PHTF2: variants seen among roughly 807,000 people sequenced by gnomAD.
PHTF2 encodes the protein putative homeodomain transcription factor 2.
A neutral mutation model predicts 101.2 loss-of-function variants in PHTF2; 60 were observed. The observed-to-expected ratio is 0.59, with a 90% CI of 0.48 to 0.73. The LOEUF (loss-of-function observed/expected upper bound fraction) is 0.73. PHTF2 is among the 30% of genes least tolerant of loss of function. PHTF2 has a pLI of 0.00. For synonymous variants in PHTF2, 311 were observed against 307.3 expected (o/e 1.01, Z -0.13); for missense variants, 747 against 908.7 (o/e 0.82, Z 2.29).
intron 19 of PHTF2, 47 bp from the exon 19 acceptor site, chr7:77,954,811 T>G: frequency 9.1e-7 from 1 of 1,104,678 alleles, no homozygotes; most frequent in Non-Finnish European, 1.3e-6. Context: ...AATTTAAGCT[T>G]TGATATTAAA....
chr7:77,830,580 A>C (rs575329675), intron 1 of PHTF2, among the ~76,000 whole-genome samples: 2 of 151,678 alleles, frequency 1.3e-5, no homozygotes, highest in Non-Finnish European at 1.5e-5. Context: ...TCTCGGTTGC[A>C]TGCTTCTTAT....
chr7:77,940,699 C>T (rs768375068), intron 15 of PHTF2, 40 bp downstream of exon 14: 1 of 1,442,156 alleles, frequency 6.9e-7, no homozygotes, highest in Non-Finnish European at 9.5e-7. Flanking sequence ...ACATGCTGGC[C>T]CTTTCTGATA....
At chr7:77,881,914 T>C (rs1279460185) in intron 3 of PHTF2, among the ~76,000 whole-genome samples, 1 of 152,220 alleles carries the variant, frequency 6.6e-6, no homozygotes, top group African/African-American at 2.4e-5. Context: ...AATATTTTTT[T>C]CTTTGGATTT....
intron 9 of PHTF2, among the ~76,000 whole-genome samples, chr7:77,911,576 GTTAACTCCACTAATACCATA>G (rs1440563939): frequency 2.0e-5 from 3 of 152,122 alleles, no homozygotes; most frequent in African/African-American, 7.2e-5. Context: ...CTGTCACTTT[GTTAACTCCACTAATACCATA>G]TTTCATCAAT....
chr7:77,908,131 A>C (rs1453930032), intron 7 of PHTF2: 4 of 152,140 alleles, frequency 2.6e-5, no homozygotes, highest in Non-Finnish European at 4.4e-5. Flanking sequence ...TTGTATTCAG[A>C]CTTACTAAGA....
In PHTF2 at chr7:77,906,901, C is replaced by T. The variant is rs537929254; in HGVS notation, c.446-1892C>T. Among the ~76,000 whole-genome samples the T allele has an allele frequency of 2.1e-5, 3 of 146,132 alleles. No homozygotes were observed. In the South Asian group the frequency reaches 6.5e-4, roughly 32 times the overall value. ...CCAGCCTGGGCAGCAGAGCGAGACTCCGTCTCAAGAAAAATTAAGAGTTAA... is the reference window on the plus strand; with the variant it reads ...CCAGCCTGGGCAGCAGAGCGAGACTTCGTCTCAAGAAAAATTAAGAGTTAA... On this transcript the variant is annotated intron_variant, in intron 7 of 19. Coordinates refer to ENST00000416283, the Ensembl canonical transcript of PHTF2.
chr7:77,862,653 A>G (rs1449498507), intron 3 of PHTF2, among the ~76,000 whole-genome samples: 1 of 152,218 alleles, frequency 6.6e-6, no homozygotes, highest in Non-Finnish European at 1.5e-5. Context: ...AAAATATTTT[A>G]TGACTTACTG....
intron 7 of PHTF2, among the ~76,000 whole-genome samples, chr7:77,904,553 A>G (rs1298233236): frequency 6.6e-6 from 1 of 152,198 alleles, no homozygotes; most frequent in African/African-American, 2.4e-5. Context: ...GCAATGTCAG[A>G]GTTGGTGTCT....
intron 2 of PHTF2, among the ~76,000 whole-genome samples, chr7:77,853,480 G>A (rs1796927976): frequency 1.3e-5 from 2 of 151,470 alleles, no homozygotes; most frequent in African/African-American, 4.9e-5. Flanking sequence ...TGCAGCCTCT[G>A]CCTCCTTGGT....
chr7:77,954,875 A>T (rs756887530), exon 20 of PHTF2: 18 of 1,513,592 alleles, frequency 1.2e-5, no homozygotes, highest in Non-Finnish European at 1.6e-5. Context: ...AGATTAAGTC[A>T]TGACAATTCA....
chr7:77,899,389 T>C (rs1450069749), intron 5 of PHTF2, among the ~76,000 whole-genome samples: 1 of 151,960 alleles, frequency 6.6e-6, no homozygotes, highest in African/African-American at 2.4e-5. Flanking sequence ...GTCTGCAAAT[T>C]AGGGCAAAAG....
chr7:77,881,513 TG>T (rs1799413892), intron 3 of PHTF2, among the ~76,000 whole-genome samples: 4 of 79,726 alleles, frequency 5.0e-5, no homozygotes, highest in Admixed American at 1.4e-4. Flanking sequence ...CTCCAATGGC[TG>T]GTTTTGTTTT....
intron 3 of PHTF2, among the ~76,000 whole-genome samples, chr7:77,869,022 A>C (rs549022427): frequency 6.6e-6 from 1 of 152,344 alleles, no homozygotes; most frequent in African/African-American, 2.4e-5. Context: ...AAAGCAAAAA[A>C]ACAAAAAAGA....
intron 12 of PHTF2, among the ~76,000 whole-genome samples, chr7:77,930,462 G>C (rs1205971688): frequency 8.8e-5 from 6 of 68,552 alleles, no homozygotes; most frequent in African/African-American, 4.7e-4. Flanking sequence ...GAAACTTGGT[G>C]GTCATTTAAA....
chr7:77,824,928 G>A (rs1794594251), intron 1 of PHTF2, among the ~76,000 whole-genome samples: 1 of 151,884 alleles, frequency 6.6e-6, no homozygotes, highest in African/African-American at 2.4e-5. Context: ...TTAGCTACTT[G>A]GGAGGCTGAG....
At chr7:77,920,149 C>T (rs1803307498) in intron 9 of PHTF2, 130 bp from the exon 9 acceptor site, 1 of 578,320 alleles carries the variant, frequency 1.7e-6, no homozygotes, top group African/African-American at 1.9e-5. Context: ...AATTATTATA[C>T]AAATAGGGTG....
chr7:77,883,204 CT>C (rs1338705915), intron 3 of PHTF2, among the ~76,000 whole-genome samples: 1 of 152,050 alleles, frequency 6.6e-6, no homozygotes, highest in Non-Finnish European at 1.5e-5. Context: ...GAGAACTTTA[CT>C]TTTGAATTAG....
At chr7:77,872,054 G>A (rs1798564251) in intron 3 of PHTF2, among the ~76,000 whole-genome samples, 1 of 152,216 alleles carries the variant, frequency 6.6e-6, no homozygotes, top group Admixed American at 6.5e-5. Context: ...CCCGAGGAAT[G>A]GTGCCATATG....
chr7:77,885,064 G>C (rs1298602099), intron 3 of PHTF2, among the ~76,000 whole-genome samples: 3 of 152,128 alleles, frequency 2.0e-5, no homozygotes, highest in South Asian at 4.1e-4. Flanking sequence ...CCAAGGGCTT[G>C]TGCATCTACT....
Sources: gnomAD v4.1 joint callset for allele counts (sites outside exome capture counted in the v4.1 genomes callset) on GRCh38, gnomAD v4.1.1 for gene constraint, MANE v1.5 for transcripts, NCBI Gene and HGNC (gene_info 2026-07-23, HGNC 2026-07-21) for gene names.